Variants in SRF observed in about 807,000 individuals in gnomAD.
The protein encoded by SRF is c-fos serum response element-binding transcription factor.
SRF carries 7 observed loss-of-function variants against 37.1 expected under a neutral mutation model. That is an observed-to-expected ratio of 0.19 (90% CI 0.11 to 0.35). The LOEUF is 0.35. Ranked by LOEUF, SRF falls within the 10% of genes least tolerant of loss-of-function variation. The pLI, the probability that SRF is intolerant of heterozygous loss-of-function variation, is 1.00. For synonymous variants in SRF, 285 were observed against 310.1 expected (o/e 0.92, Z 0.85); for missense variants, 395 against 694.4 (o/e 0.57, Z 4.85).
rs146671770 is a variant in SRF at position 43,178,411 on chromosome 6, G to A, written c.1280G>A (p.Ser427Asn). The A allele has an allele frequency of 1.1e-5, 18 of 1,613,990 alleles. No individual in the cohort carries two copies. The highest frequency in any genetic ancestry group is 1.5e-5 in the Non-Finnish European group (18 of 1,180,040). Residue 427 changes from serine to asparagine, a missense_variant, in exon 5 of 7, where the codon AGC becomes AAC. Ser to Asn is a conservative substitution (Grantham distance 46, BLOSUM62 1). Coordinates refer to ENST00000265354, the MANE Select transcript of SRF (RefSeq NM_003131.4). The surrounding 1 kb of genome is among the most constrained non-coding windows in gnomAD (Gnocchi z 4.3). ...YAPTSGLGDG[S>N]LTVLNAFSQA... ...CCCACCTCGGGCCTGGGTGATGGCAGCCTCACCGTGCTGAATGCCTTCTCC... is the reference window on the plus strand; with the variant it reads ...CCCACCTCGGGCCTGGGTGATGGCAACCTCACCGTGCTGAATGCCTTCTCC...
chr6:43,175,356 GA>G (rs1276372270), intron 2 of SRF, among the ~76,000 whole-genome samples: 11 of 152,216 alleles, frequency 7.2e-5, no homozygotes, highest in African/African-American at 2.7e-4. Flanking sequence ...CGCTGGAGCA[GA>G]GAACTCAGGG....
At position 43,176,548 on chromosome 6, in the gene SRF, G is replaced by C; in HGVS notation, c.1043G>C (p.Gly348Ala). 6.2e-7 allele frequency: 1 copy of C among 1,614,104 alleles called. No homozygotes were observed. Among genetic ancestry groups the C allele is most frequent in the Non-Finnish European group, 8.5e-7 (1 of 1,179,992 alleles). The change falls in exon 4 of 7, where the codon GGT becomes GCT. Residue 348 changes from glycine to alanine, a missense_variant and splice_region_variant. Gly to Ala is a moderately conservative substitution (Grantham distance 60). Around this residue, in one of 4 missense-constraint regions of SRF, gnomAD observed 232 missense variants for 335.6 expected, o/e 0.69. Coordinates refer to ENST00000265354, the MANE Select transcript of SRF (RefSeq NM_003131.4). The surrounding 1 kb of genome is among the most constrained non-coding windows in gnomAD (Gnocchi z 4.0). The part of the protein sequence containing the change: ...QLPTSFTLMP[G>A]GAVAQQVPVQ... The stretch of plus-strand genomic sequence containing the variant: ...ACAAATAAGACTCTGTGTCTTGCAG[G>C]TGGGGCAGTGGCCCAGCAGGTCCCA...
chr6:43,178,942 G>T lies in SRF; in HGVS notation c.1431+60G>T. ...GCCACTTCTTTGTCTTGACCTTAGG[G>T]GATCCTGTTACCAGTTCATCAAAGC... On this transcript the variant is annotated intron_variant, in intron 6 of 6. Coordinates refer to ENST00000265354, the MANE Select transcript of SRF (RefSeq NM_003131.4). This position sits in a 1 kb window ranked among gnomAD's most constrained non-coding sequence, Gnocchi z 4.3. 6.3e-7 allele frequency: 1 copy of T among 1,591,104 alleles called. No homozygotes were observed. Among genetic ancestry groups the T allele is most frequent in the Non-Finnish European group, 8.6e-7 (1 of 1,159,180 alleles).
At chr6:43,174,967 C>T (rs1772171653) in intron 2 of SRF, among the ~76,000 whole-genome samples, 1 of 152,214 alleles carries the variant, frequency 6.6e-6, no homozygotes, top group Admixed American at 6.5e-5. Flanking sequence ...AGTGGCATAT[C>T]ATCTGTAATA....
At position 43,172,763 on chromosome 6, in the gene SRF, T is replaced by G. The variant is rs1772132723; in HGVS notation, c.513+594T>G. 6.6e-6 allele frequency among the ~76,000 whole-genome samples: 1 copy of G among 151,972 alleles called. No homozygotes were observed. Among genetic ancestry groups the G allele is most frequent in the Non-Finnish European group, 1.5e-5 (1 of 67,988 alleles). On this transcript the variant is annotated intron_variant, in intron 1 of 6. Coordinates refer to ENST00000265354, the MANE Select transcript of SRF (RefSeq NM_003131.4). The surrounding 1 kb of genome is among the most constrained non-coding windows in gnomAD (Gnocchi z 5.7). ...AACCTAGTCCTGCGCCGGCCGTGAG[T>G]CTTCCATGGCATCCACTGGGAACCA...
Position 43,173,259 on chromosome 6 carries a change from T to TG in SRF, c.514-582dup, listed in dbSNP as rs1481966429. 1.1e-4 allele frequency among the ~76,000 whole-genome samples: 17 copies of TG among 152,008 alleles called. No individual in the cohort carries two copies. Among genetic ancestry groups the TG allele is most frequent in the Non-Finnish European group, 2.2e-4 (15 of 67,978 alleles). ...ACTTGATCATCAGTGGAGAAGATTG[T>TG]GGGGGGAGGTAATTAAGGAAAACTC... On this transcript the variant is annotated intron_variant, in intron 1 of 6. Transcript: ENST00000265354. The surrounding 1 kb of genome is among the most constrained non-coding windows in gnomAD (Gnocchi z 4.2).
intron 2 of SRF, among the ~76,000 whole-genome samples, chr6:43,174,390 A>G (rs2150495626): frequency 6.6e-6 from 1 of 152,160 alleles, no homozygotes; most frequent in Admixed American, 6.5e-5. Context: ...TCCTCCCGCC[A>G]GCTGTCTCCC....
Position 43,173,587 on chromosome 6 carries a change from T to G in SRF, c.514-260T>G, listed in dbSNP as rs983456751. On this transcript the variant is annotated intron_variant, in intron 1 of 6. Transcript: ENST00000265354. This position sits in a 1 kb window ranked among gnomAD's most constrained non-coding sequence, Gnocchi z 4.2. ...CTGGGTCCTTCGTATCCCCTGAAGTTATATGTTCCATCACTGGGGGCTGTT... is the reference window on the plus strand; with the variant it reads ...CTGGGTCCTTCGTATCCCCTGAAGTGATATGTTCCATCACTGGGGGCTGTT... 2.2e-4 allele frequency among the ~76,000 whole-genome samples: 34 copies of G among 152,070 alleles called. No homozygotes were observed. Among genetic ancestry groups the G allele is most frequent in the Admixed American group, 1.3e-3 (20 of 15,278 alleles).
At position 43,175,864 on chromosome 6, in the gene SRF, T is replaced by G. The variant is rs1772187963; in HGVS notation, c.939T>G (p.Ser313Arg). 1 of 1,614,074 alleles carries G rather than the reference T, an allele frequency of 6.2e-7. No individual in the cohort carries two copies. The highest frequency in any genetic ancestry group is 8.5e-7 in the Non-Finnish European group (1 of 1,180,030). The change falls in exon 3 of 7, where the codon AGT becomes AGG. Residue 313 changes from serine to arginine, a missense_variant. Physicochemically the swap from Ser to Arg is moderately radical, Grantham distance 110. Coordinates refer to ENST00000265354, the MANE Select transcript of SRF (RefSeq NM_003131.4). ...LAPVSASVSP[S>R]AVSSANGTVL... is the part of the protein sequence containing the mutation. ...CAGTGTCTGCTAGTGTCAGCCCCAGTGCTGTCAGCAGTGCCAATGGGACTG... is the reference window on the plus strand; with the variant it reads ...CAGTGTCTGCTAGTGTCAGCCCCAGGGCTGTCAGCAGTGCCAATGGGACTG...
At position 43,180,488 on chromosome 6, in the gene SRF, C is replaced by G. The variant is rs1326205586; in HGVS notation, c.*1298C>G. ...AGGGGAGCCAGAAATGGGCAGTTCT[C>G]CCAGGGAGTGAGCAGCTACTGTAAC... On this transcript the variant is annotated 3_prime_UTR_variant, in exon 7 of 7. Coordinates refer to ENST00000265354, the MANE Select transcript of SRF (RefSeq NM_003131.4). The G allele has an allele frequency of 6.6e-6, 1 of 152,654 alleles. No homozygotes were observed. The highest frequency in any genetic ancestry group is 1.5e-5 in the Non-Finnish European group (1 of 68,046). The allele number at this position is 152,654 out of a possible 1,614,324, so 9.5% of individuals were successfully genotyped here.
At chr6:43,177,251 G>A (rs1044585905) in intron 4 of SRF, among the ~76,000 whole-genome samples, 2 of 84,238 alleles carry the variant, frequency 2.4e-5, no homozygotes, top group Non-Finnish European at 3.9e-5. Flanking sequence ...TTTTTGAGAC[G>A]GAGTCTCGCT....
At position 43,179,009 on chromosome 6, in the gene SRF, G is replaced by C; in HGVS notation, c.1432-86G>C. On this transcript the variant is annotated intron_variant, in intron 6 of 6. Transcript: ENST00000265354. The surrounding 1 kb of genome is among the most constrained non-coding windows in gnomAD (Gnocchi z 5.3). ...GAAGCCCATCTGCTTTTCTGCTCAGGCCTGTGGTTGGCAGGCAGGGAAGCC... is the reference window on the plus strand; with the variant it reads ...GAAGCCCATCTGCTTTTCTGCTCAGCCCTGTGGTTGGCAGGCAGGGAAGCC... The C allele has an allele frequency of 1.3e-6, 2 of 1,577,568 alleles. No individual in the cohort carries two copies. Among genetic ancestry groups the C allele is most frequent in the Non-Finnish European group, 1.7e-6 (2 of 1,147,812 alleles).
Position 43,172,543 on chromosome 6 carries a change from ACGAGGG to A in SRF, c.513+377_513+382del. 1.2e-6 allele frequency: 1 copy of A among 866,274 alleles called. No homozygotes were observed. Among genetic ancestry groups the A allele is most frequent in the Non-Finnish European group, 1.4e-6 (1 of 721,350 alleles). The allele number at this position is 866,274 out of a possible 1,614,324, so 53.7% of individuals were successfully genotyped here. On this transcript the variant is annotated intron_variant, in intron 1 of 6. Coordinates refer to ENST00000265354, the MANE Select transcript of SRF (RefSeq NM_003131.4). This position sits in a 1 kb window ranked among gnomAD's most constrained non-coding sequence, Gnocchi z 5.7. ...AGGTCCAGTGCACTCCGGTGTTCGG[ACGAGGG>A]CGCCGGAAAAGCAGGGAGCAAACGA...
intron 4 of SRF, among the ~76,000 whole-genome samples, chr6:43,177,480 T>C (rs1480557078): frequency 4.0e-5 from 6 of 150,822 alleles, no homozygotes; most frequent in Admixed American, 4.0e-4. Context: ...TCCGCCCACC[T>C]CGGCCTCTCA....
At chr6:43,175,223 G>A (rs1733337774) in intron 2 of SRF, among the ~76,000 whole-genome samples, 1 of 152,146 alleles carries the variant, frequency 6.6e-6, no homozygotes, top group Non-Finnish European at 1.5e-5. Flanking sequence ...CATGCTTATA[G>A]AAGAGGAAAA....
In SRF at chr6:43,179,003, G is replaced by C. The variant is rs1772255304; in HGVS notation, c.1432-92G>C. ...AGCCTGGAAGCCCATCTGCTTTTCT[G>C]CTCAGGCCTGTGGTTGGCAGGCAGG... On this transcript the variant is annotated intron_variant, in intron 6 of 6. Coordinates refer to ENST00000265354, the MANE Select transcript of SRF (RefSeq NM_003131.4). This position sits in a 1 kb window ranked among gnomAD's most constrained non-coding sequence, Gnocchi z 5.3. 1.3e-6 allele frequency: 2 copies of C among 1,573,022 alleles called. No individual in the cohort carries two copies. Among genetic ancestry groups the C allele is most frequent in the Non-Finnish European group, 1.7e-6 (2 of 1,143,732 alleles).
chr6:43,176,767 T>G lies in SRF; in HGVS notation c.1162+100T>G. The G allele has an allele frequency of 6.7e-7, 1 of 1,490,450 alleles. No homozygotes were observed. Among genetic ancestry groups the G allele is most frequent in the Non-Finnish European group, 9.1e-7 (1 of 1,100,852 alleles). 92.3% of individuals were successfully genotyped at this position (1,490,450 alleles called of 1,614,324 possible). ...CCCTCCTGTAACTAAAGTCAGGGGA[T>G]TTCTTAAAGTGGAGATTGAGGCTTT... is the stretch of plus-strand genomic sequence containing the variant. On this transcript the variant is annotated intron_variant, in intron 4 of 6. Transcript: ENST00000265354. This position sits in a 1 kb window ranked among gnomAD's most constrained non-coding sequence, Gnocchi z 4.0.
chr6:43,181,482 T>A lies in SRF; in HGVS notation c.*2292T>A, dbSNP rs934307170. The stretch of plus-strand genomic sequence containing the variant: ...GTATTAAAAAAAAATACTCTTTCAA[T>A]AAATGTATCATTTTTGTGCACAGAC... On this transcript the variant is annotated 3_prime_UTR_variant, in exon 7 of 7. Coordinates refer to ENST00000265354, the MANE Select transcript of SRF (RefSeq NM_003131.4). The A allele has an allele frequency of 6.6e-6, 1 of 152,600 alleles. No individual in the cohort carries two copies. Among genetic ancestry groups the A allele is most frequent in the African/African-American group, 2.4e-5 (1 of 41,412 alleles). The allele number at this position is 152,600 out of a possible 1,614,324, so 9.5% of individuals were successfully genotyped here.
chr6:43,177,228 G>GTTTTTTTTTT (rs544658252), intron 4 of SRF, among the ~76,000 whole-genome samples: 4,283 of 116,316 alleles, frequency 0.037, 278 homozygotes, highest in Non-Finnish European at 0.051. Flanking sequence ...ATCGGAGTCT[G>GTTTTTTTTTT]TTTTTTTTTT....
Sources: allele counts gnomAD v4.1 joint callset (sites outside exome capture counted in the v4.1 genomes callset), GRCh38; gene constraint gnomAD v4.1.1; regional missense constraint gnomAD v4.1.1; non-coding constraint Gnocchi (gnomAD v3.1); transcripts MANE v1.5; gene names NCBI Gene and HGNC (gene_info 2026-07-23, HGNC 2026-07-21).